MEI4: variants seen among roughly 807,000 people sequenced by gnomAD.
MEI4 encodes the protein meiosis-specific protein MEI4.
In MEI4, 27 loss-of-function variants were observed where a neutral mutation model predicts 31.4. The ratio of observed to expected loss-of-function variants is 0.86; its 90% CI spans 0.63 to 1.19. MEI4 has a LOEUF of 1.19. Ranked by LOEUF, MEI4 falls within the 50% of genes most tolerant of loss-of-function variation. The pLI, the probability that MEI4 is intolerant of heterozygous loss-of-function variation, is 0.00. For missense variants in MEI4, 329 were observed against 398.9 expected, an observed-to-expected ratio of 0.82 and a Z score of 1.49; for synonymous variants, 122 against 145.4, an observed-to-expected ratio of 0.84 and a Z score of 1.16.
At chr6:77,689,005 AGCTGT>A (rs1769109913) in intron 1 of MEI4, among the ~76,000 whole-genome samples, 1 of 152,056 alleles carries the variant, frequency 6.6e-6, no homozygotes, top group Non-Finnish European at 1.5e-5. Context: ...TGTAGTCAAC[AGCTGT>A]GAAAATACAA....
intron 2 of MEI4, among the ~76,000 whole-genome samples, chr6:77,733,077 T>A (rs1224838127): frequency 6.6e-6 from 1 of 151,858 alleles, no homozygotes; most frequent in Non-Finnish European, 1.5e-5. Context: ...AGGATATTGA[T>A]CTAAAATTCT....
chr6:77,731,622 C>G (rs1419207722), intron 2 of MEI4, among the ~76,000 whole-genome samples: 25 of 151,438 alleles, frequency 1.7e-4, no homozygotes, highest in African/African-American at 6.1e-4. Context: ...TGCAGAAGCT[C>G]TTTAGTTGAA....
chr6:77,761,712 G>A, intron 3 of MEI4, 47 bp downstream of exon 3: 2 of 1,166,250 alleles, frequency 1.7e-6, no homozygotes, highest in Non-Finnish European at 2.2e-6. Flanking sequence ...AGTAATTTTA[G>A]TGAACATCTC....
At chr6:77,758,068 A>G (rs561409474) in intron 2 of MEI4, among the ~76,000 whole-genome samples, 3 of 151,710 alleles carry the variant, frequency 2.0e-5, no homozygotes, top group African/African-American at 2.4e-5. Context: ...AGGCAGGAGA[A>G]TCACTTGAAC....
intron 4 of MEI4, among the ~76,000 whole-genome samples, chr6:77,918,537 A>G (rs1426725758): frequency 1.4e-5 from 2 of 144,718 alleles, no homozygotes; most frequent in African/African-American, 5.1e-5. Context: ...GCAATTGTGA[A>G]TGGGAGTTCA....
At chr6:77,886,946 CCATTT>C (rs1771634402) in intron 4 of MEI4, among the ~76,000 whole-genome samples, 1 of 151,948 alleles carries the variant, frequency 6.6e-6, no homozygotes, top group Non-Finnish European at 1.5e-5. Flanking sequence ...TTTTTAGTCT[CCATTT>C]CATTTAGTTC....
intron 3 of MEI4, among the ~76,000 whole-genome samples, chr6:77,766,580 AT>A (rs1768181159): frequency 6.6e-6 from 1 of 151,738 alleles, no homozygotes; most frequent in Non-Finnish European, 1.5e-5. Context: ...CACCCGGCTA[AT>A]TTTTTTGTAT....
At chr6:77,715,890 A>G (rs1435363644) in intron 2 of MEI4, among the ~76,000 whole-genome samples, 1 of 150,288 alleles carries the variant, frequency 6.7e-6, no homozygotes, top group East Asian at 2.0e-4. Flanking sequence ...GCCGGTTACA[A>G]TTTTTTTTTC....
intron 4 of MEI4, among the ~76,000 whole-genome samples, chr6:77,853,603 A>G (rs1405483628): frequency 1.3e-5 from 2 of 152,210 alleles, no homozygotes; most frequent in Non-Finnish European, 2.9e-5. Context: ...GAAAATTGCA[A>G]TGAAATCTTG....
At chr6:77,858,973 C>T (rs1582222751) in intron 4 of MEI4, among the ~76,000 whole-genome samples, 1 of 151,706 alleles carries the variant, frequency 6.6e-6, no homozygotes, top group East Asian at 1.9e-4. Context: ...ATACGTGTGC[C>T]ATGGTGGTTT....
At chr6:77,769,361 T>G (rs1401664172) in intron 3 of MEI4, among the ~76,000 whole-genome samples, 5 of 152,306 alleles carry the variant, frequency 3.3e-5, no homozygotes, top group Non-Finnish European at 7.3e-5. Context: ...ACCTGACTTT[T>G]GGCAAGTCCT....
At chr6:77,770,430 A>G (rs1051624038) in intron 3 of MEI4, among the ~76,000 whole-genome samples, 9 of 152,156 alleles carry the variant, frequency 5.9e-5, no homozygotes, top group Non-Finnish European at 1.0e-4. Flanking sequence ...TTAAATTTCT[A>G]TACTGCCCAA....
intron 4 of MEI4, among the ~76,000 whole-genome samples, chr6:77,920,784 G>T (rs1766685134): frequency 6.6e-6 from 1 of 151,840 alleles, no homozygotes; most frequent in African/African-American, 2.4e-5. Context: ...ATCCATCAGA[G>T]CTTTTGGATG....
Position 77,745,888 on chromosome 6 carries a change from T to C in MEI4, c.233-15242T>C, listed in dbSNP as rs527693564. 2.0e-5 allele frequency among the ~76,000 whole-genome samples: 3 copies of C among 151,696 alleles called. No homozygotes were observed. In the South Asian group the frequency reaches 6.3e-4, roughly 32 times the overall value. ...AATGACTACTGGGTACATAATGAAATGAAGGGAGAAATAAAGATGTTCTTT... is the reference window on the plus strand; with the variant it reads ...AATGACTACTGGGTACATAATGAAACGAAGGGAGAAATAAAGATGTTCTTT... On this transcript the variant is annotated intron_variant, in intron 2 of 4. Coordinates refer to ENST00000684080, the MANE Select transcript of MEI4 (RefSeq NM_001322247.2).
chr6:77,700,994 A>C (rs987829019), intron 2 of MEI4, among the ~76,000 whole-genome samples: 4 of 152,244 alleles, frequency 2.6e-5, no homozygotes, highest in Admixed American at 2.6e-4. Context: ...AGAAGTGTAC[A>C]TACCCAGTGA....
chr6:77,788,958 C>T (rs1007367869), intron 3 of MEI4, among the ~76,000 whole-genome samples: 2 of 152,066 alleles, frequency 1.3e-5, no homozygotes, highest in Non-Finnish European at 2.9e-5. Flanking sequence ...AAATCCTAAG[C>T]CAAAAGAACA....
chr6:77,769,561 C>T (rs936807535), intron 3 of MEI4, among the ~76,000 whole-genome samples: 1 of 152,088 alleles, frequency 6.6e-6, no homozygotes, highest in Non-Finnish European at 1.5e-5. Flanking sequence ...CCTCCACCAA[C>T]CCCAGGCAGT....
At chr6:77,751,138 A>G (rs1181232409) in intron 2 of MEI4, among the ~76,000 whole-genome samples, 1 of 152,236 alleles carries the variant, frequency 6.6e-6, no homozygotes, top group African/African-American at 2.4e-5. Context: ...AGAAATGTAT[A>G]GCACTAAATG....
chr6:77,805,077 G>A (rs1561996555), intron 3 of MEI4, among the ~76,000 whole-genome samples: 1 of 152,202 alleles, frequency 6.6e-6, no homozygotes, highest in East Asian at 1.9e-4. Context: ...ATACAATCAA[G>A]TAATAGAAGA....
Sources: gnomAD v4.1 joint callset for allele counts (sites outside exome capture counted in the v4.1 genomes callset) on GRCh38, gnomAD v4.1.1 for gene constraint, MANE v1.5 for transcripts, NCBI Gene and HGNC (gene_info 2026-07-23, HGNC 2026-07-21) for gene names.